Variants in USH2A observed in about 807,000 individuals in gnomAD.
USH2A encodes the protein usherin.
A neutral mutation model predicts 538.9 loss-of-function variants in USH2A; 443 were observed. That is an observed-to-expected ratio of 0.82 (90% CI 0.76 to 0.89). The LOEUF is 0.89. Among genes scored for constraint, USH2A ranks in the 40% least tolerant of loss-of-function variants. The pLI, the probability that USH2A is intolerant of heterozygous loss-of-function variation, is 0.00. For missense variants in USH2A, 6,633 were observed against 6,324.8 expected, an observed-to-expected ratio of 1.05 and a Z score of -1.65; for synonymous variants, 2,413 against 2,273.5, an observed-to-expected ratio of 1.06 and a Z score of -1.75.
intron 38 of USH2A, among the ~76,000 whole-genome samples, chr1:215,928,323 G>C (rs1400033093): frequency 6.6e-6 from 1 of 151,992 alleles, no homozygotes; most frequent in African/African-American, 2.4e-5. Flanking sequence ...AAAATTAATT[G>C]TCATGTAAGG....
chr1:215,816,130 C>A (rs1016933892), intron 48 of USH2A, among the ~76,000 whole-genome samples: 6 of 151,914 alleles, frequency 3.9e-5, no homozygotes, highest in African/African-American at 1.4e-4. Context: ...TAGTATTTTT[C>A]TTCTCAGAAA....
chr1:215,850,628 C>T (rs1663992655), intron 44 of USH2A, among the ~76,000 whole-genome samples: 2 of 152,116 alleles, frequency 1.3e-5, no homozygotes, highest in Admixed American at 1.3e-4. Context: ...CAGTACTAGA[C>T]AGGTCATCAA....
At chr1:216,216,660 T>C (rs1353208790) in intron 15 of USH2A, among the ~76,000 whole-genome samples, 1 of 152,062 alleles carries the variant, frequency 6.6e-6, no homozygotes, top group African/African-American at 2.4e-5. Flanking sequence ...GAAGTAAATA[T>C]AGGAAAACGG....
Position 216,272,659 on chromosome 1 carries a change from C to A in USH2A, c.1971+16621G>T, listed in dbSNP as rs114836762. On this transcript the variant is annotated intron_variant, in intron 11 of 71. Coordinates refer to ENST00000307340, the MANE Select transcript of USH2A (RefSeq NM_206933.4). ...TTTTTAGTTCCTTTCTTCCCAGATT[C>A]ATAAGAGACTTAAACTCCCAGAAAA... 5.7e-3 allele frequency among the ~76,000 whole-genome samples: 873 copies of A among 152,106 alleles called. 8 individuals carry two copies. The highest frequency in any genetic ancestry group is 0.02 in the African/African-American group (846 of 41,524).
chr1:216,339,339 A>G (rs1171535021), intron 4 of USH2A, among the ~76,000 whole-genome samples: 1 of 151,692 alleles, frequency 6.6e-6, no homozygotes, highest in Non-Finnish European at 1.5e-5. Context: ...GTGTTATATT[A>G]TTTTGAGATA....
intron 3 of USH2A, among the ~76,000 whole-genome samples, chr1:216,374,790 G>T (rs2038786877): frequency 6.6e-6 from 1 of 152,050 alleles, no homozygotes; most frequent in Non-Finnish European, 1.5e-5. Context: ...ATATTGACAT[G>T]TTCTAATAAT....
chr1:216,048,850 T>C (rs2030637380), intron 30 of USH2A, among the ~76,000 whole-genome samples: 1 of 152,090 alleles, frequency 6.6e-6, no homozygotes, highest in Non-Finnish European at 1.5e-5. Context: ...TGAGAAAAAA[T>C]TGTGAGACCA....
At chr1:216,068,554 T>C (rs1259435197) in intron 30 of USH2A, among the ~76,000 whole-genome samples, 3 of 151,998 alleles carry the variant, frequency 2.0e-5, no homozygotes, top group Non-Finnish European at 4.4e-5. Flanking sequence ...GTAATGCTGG[T>C]CCTTGGGCCA....
At chr1:216,263,423 A>G (rs752646211) in intron 11 of USH2A, among the ~76,000 whole-genome samples, 4 of 152,158 alleles carry the variant, frequency 2.6e-5, no homozygotes, top group African/African-American at 4.8e-5. Flanking sequence ...ACATACCAGG[A>G]TCAAGTGTGA....
chr1:215,932,556 A>T (rs1314072912), intron 38 of USH2A, among the ~76,000 whole-genome samples: 2 of 152,222 alleles, frequency 1.3e-5, no homozygotes, highest in South Asian at 4.1e-4. Context: ...TTAAAGCTAT[A>T]CGTTTCCTAA....
intron 38 of USH2A, among the ~76,000 whole-genome samples, chr1:215,912,475 ACG>A (rs1340871166): frequency 0.072 from 1,141 of 15,832 alleles, 23 homozygotes; most frequent in African/African-American, 0.19. Context: ...ATATATATAT[ACG>A]TATATATATA....
intron 60 of USH2A, among the ~76,000 whole-genome samples, chr1:215,740,125 A>G (rs548068139): frequency 1.7e-4 from 26 of 152,226 alleles, no homozygotes; most frequent in South Asian, 6.2e-4. Context: ...GGCTCTTTGC[A>G]TTGTACTTTC....
chr1:215,999,045 T>C lies in USH2A; in HGVS notation c.6499A>G (p.Arg2167Gly). Residue 2167 changes from arginine (R) to glycine (G), a missense_variant, in exon 34 of 72, where the codon AGA becomes GGA. By Grantham distance (125) the Arg-to-Gly change is moderately radical. Coordinates refer to ENST00000307340, the MANE Select transcript of USH2A (RefSeq NM_206933.4). Reference sequence around the variant, plus strand: ...CGTTCCAGAATCCCACTTATTTTTCTTGGTTGTTTCCACCTGGGAATGGTA... The same window carrying C: ...CGTTCCAGAATCCCACTTATTTTTCCTGGTTGTTTCCACCTGGGAATGGTA... The part of the protein sequence containing the change: ...RTIHIQWKQP[R>G]KISGILERYV... 8.1e-6 allele frequency: 13 copies of C among 1,611,664 alleles called. No homozygotes were observed. Among genetic ancestry groups the C allele is most frequent in the Non-Finnish European group, 1.1e-5 (13 of 1,178,254 alleles).
At chr1:216,294,276 A>G (rs1033618853) in intron 9 of USH2A, among the ~76,000 whole-genome samples, 2 of 152,256 alleles carry the variant, frequency 1.3e-5, no homozygotes, top group African/African-American at 4.8e-5. Context: ...GTAGAAAATT[A>G]AAAGCACTGG....
rs10654206 is a variant in USH2A, at chr1:216,212,683, T to TTGTGTG, written c.3157+4698_3157+4703dup. On this transcript the variant is annotated intron_variant, in intron 15 of 71. Coordinates refer to ENST00000307340, the MANE Select transcript of USH2A (RefSeq NM_206933.4). ...TTTTGAAGATAAGGTGTGTGTGTGT[T>TTGTGTG]TGTGTGTGTGTGTGTGTGTGTGCAT... 1.6e-4 allele frequency among the ~76,000 whole-genome samples: 24 copies of TTGTGTG among 147,550 alleles called. 2 individuals are homozygous for TTGTGTG. Among genetic ancestry groups the TTGTGTG allele is most frequent in the South Asian group, 4.3e-4 (2 of 4,642 alleles).
At chr1:215,958,976 AAATATGTGAAGATGC>A (rs58536070) in intron 37 of USH2A, among the ~76,000 whole-genome samples, 22,318 of 152,120 alleles carry the variant, frequency 0.15, 1,863 homozygotes, top group African/African-American at 0.22. Flanking sequence ...TAATCATTGG[AAATATGTGAAGATGC>A]CCTTCTTTCT....
intron 47 of USH2A, among the ~76,000 whole-genome samples, chr1:215,821,617 G>A (rs1021953861): frequency 1.3e-5 from 2 of 151,756 alleles, no homozygotes; most frequent in South Asian, 2.1e-4. Context: ...TTAGCCTGAT[G>A]TAATCCCATT....
At position 216,200,310 on chromosome 1, in the gene USH2A, G is replaced by T; in HGVS notation, c.3317-189C>A. Among the ~76,000 whole-genome samples the T allele has an allele frequency of 2.0e-5, 3 of 152,194 alleles. No individual in the cohort carries two copies. In the South Asian group the frequency reaches 6.2e-4, roughly 32 times the overall value. On this transcript the variant is annotated intron_variant, in intron 16 of 71. Transcript: ENST00000307340. Reference sequence around the variant, plus strand: ...ACCGGTTGATTGCTTTTATTATTGAGTATAAGAAAGTATCATTCATAATAA... The same window carrying T: ...ACCGGTTGATTGCTTTTATTATTGATTATAAGAAAGTATCATTCATAATAA...
rs144283034 is a variant in USH2A, at chr1:216,152,867, G to A, written c.4627+22385C>T. Among the ~76,000 whole-genome samples, 1,391 of 152,270 alleles carry A rather than the reference G, an allele frequency of 9.1e-3. 21 individuals carry two copies. The highest frequency in any genetic ancestry group is 0.03 in the African/African-American group (1,246 of 41,554). On this transcript the variant is annotated intron_variant, in intron 21 of 71. Coordinates refer to ENST00000307340, the MANE Select transcript of USH2A (RefSeq NM_206933.4). ...CAAGTGTTGCCTTTTGGCCCACCATGCCCCACTATCCTATACCCATATAAA... is the reference window on the plus strand; with the variant it reads ...CAAGTGTTGCCTTTTGGCCCACCATACCCCACTATCCTATACCCATATAAA...
Sources: allele counts gnomAD v4.1 joint callset (sites outside exome capture counted in the v4.1 genomes callset), GRCh38; gene constraint gnomAD v4.1.1; transcripts MANE v1.5; gene names NCBI Gene and HGNC (gene_info 2026-07-23, HGNC 2026-07-21).